The following KAZN variants were observed in gnomAD, a reference collection of about 807,000 sequenced individuals.
KAZN encodes the protein kazrin, periplakin interacting protein, also known as kazrin.
In KAZN, 40 loss-of-function variants were observed where a neutral mutation model predicts 87.4. That is an observed-to-expected ratio of 0.46 (90% CI 0.36 to 0.60). The LOEUF (loss-of-function observed/expected upper bound fraction) is 0.60. KAZN is among the 20% of genes least tolerant of loss of function. KAZN has a pLI of 0.00. For synonymous variants in KAZN, 466 were observed against 458.3 expected (o/e 1.02, Z -0.22); for missense variants, 898 against 1,073.9 (o/e 0.84, Z 2.29).
At chr1:14,418,742 A>G (rs1665055567) in intron 2 of KAZN, among the ~76,000 whole-genome samples, 2 of 152,202 alleles carry the variant, frequency 1.3e-5, no homozygotes, top group African/African-American at 4.8e-5. Flanking sequence ...GGGCAGGCCA[A>G]AGGACTCTCC....
At chr1:14,682,087 C>T (rs1307864538) in intron 1 of KAZN, among the ~76,000 whole-genome samples, 2 of 151,966 alleles carry the variant, frequency 1.3e-5, no homozygotes, top group African/African-American at 4.8e-5. Context: ...TTTTCATCTT[C>T]TCAAAGAGCA....
At chr1:14,954,922 A>C (rs1311018761) in intron 1 of KAZN, among the ~76,000 whole-genome samples, 1 of 152,216 alleles carries the variant, frequency 6.6e-6, no homozygotes, top group Non-Finnish European at 1.5e-5. Flanking sequence ...ACTGTACTCC[A>C]GCCTGGGCGA....
chr1:14,726,381 A>G (rs1267182839), intron 1 of KAZN, among the ~76,000 whole-genome samples: 1 of 152,216 alleles, frequency 6.6e-6, no homozygotes, highest in African/African-American at 2.4e-5. Flanking sequence ...GTTCCCCACC[A>G]GAAGGAAGCG....
At chr1:14,021,556 G>GTCTA (rs138038946) in intron 1 of KAZN, among the ~76,000 whole-genome samples, 2,714 of 152,246 alleles carry the variant, frequency 0.018, 78 homozygotes, top group African/African-American at 0.061. Flanking sequence ...GGAGGAGAGG[G>GTCTA]TCTAGGTCTC....
At chr1:14,775,811 G>C (rs142294302) in intron 1 of KAZN, among the ~76,000 whole-genome samples, 28 of 152,320 alleles carry the variant, frequency 1.8e-4, no homozygotes, top group African/African-American at 6.7e-4. Context: ...AAGCTCAAGT[G>C]TCCTGAGACC....
At chr1:14,936,413 T>C (rs146900178) in intron 1 of KAZN, among the ~76,000 whole-genome samples, 37 of 152,318 alleles carry the variant, frequency 2.4e-4, no homozygotes, top group African/African-American at 7.7e-4. Flanking sequence ...TGTCCTGTTT[T>C]TCTCAGGACT....
chr1:14,514,375 A>ATATATATTATATATATTTT lies in KAZN; in HGVS notation c.250-84608_250-84607insTATATATTATATATATTTT, dbSNP rs1491445643. On this transcript the variant is annotated intron_variant, in intron 2 of 16. Transcript: ENST00000636203. ...ATATTATATATATATTTATATATAT[A>ATATATATTATATATATTTT]ATATATATATATTATATATATTTAT... Among the ~76,000 whole-genome samples the ATATATATTATATATATTTT allele has an allele frequency of 2.6e-3, 38 of 14,438 alleles. 2 individuals carry two copies. The highest frequency in any genetic ancestry group is 5.0e-3 in the South Asian group (2 of 398). The allele number at this position is 14,438 out of a possible 152,430, so 9.5% of individuals were successfully genotyped here.
chr1:14,816,801 G>A (rs1040477045), intron 1 of KAZN, among the ~76,000 whole-genome samples: 2 of 152,120 alleles, frequency 1.3e-5, no homozygotes, highest in Non-Finnish European at 2.9e-5. Flanking sequence ...GATAGAGATG[G>A]CTGGATGGAT....
chr1:14,155,438 C>T (rs1645572004), intron 1 of KAZN, among the ~76,000 whole-genome samples: 1 of 151,866 alleles, frequency 6.6e-6, no homozygotes, highest in African/African-American at 2.4e-5. Flanking sequence ...CTTAGTCTTG[C>T]TAATGATTTG....
At chr1:14,677,571 G>A (rs1281263576) in intron 1 of KAZN, among the ~76,000 whole-genome samples, 1 of 152,084 alleles carries the variant, frequency 6.6e-6, no homozygotes, top group East Asian at 1.9e-4. Context: ...TCAGACCTTG[G>A]CGATGACAGG....
intron 1 of KAZN, among the ~76,000 whole-genome samples, chr1:14,663,463 T>C (rs965827557): frequency 9.9e-5 from 15 of 152,186 alleles, no homozygotes; most frequent in Non-Finnish European, 1.8e-4. Flanking sequence ...CCTTCTCTCT[T>C]TAACCCATCC....
chr1:14,098,143 T>C (rs1235109724), intron 1 of KAZN, among the ~76,000 whole-genome samples: 1 of 152,120 alleles, frequency 6.6e-6, no homozygotes, highest in African/African-American at 2.4e-5. Flanking sequence ...TCCCCTTGCC[T>C]TGTGCTGCCT....
intron 1 of KAZN, among the ~76,000 whole-genome samples, chr1:14,832,038 A>G (rs1024278528): frequency 6.6e-6 from 1 of 152,086 alleles, no homozygotes; most frequent in African/African-American, 2.4e-5. Context: ...CTATAAAAGT[A>G]CAAAAAAATT....
At chr1:14,012,767 A>G (rs1032283810) in intron 1 of KAZN, among the ~76,000 whole-genome samples, 1 of 152,226 alleles carries the variant, frequency 6.6e-6, no homozygotes, top group African/African-American at 2.4e-5. Flanking sequence ...ACTCCAACCA[A>G]TTAAATGGTG....
At chr1:14,129,381 T>C (rs1644943413) in intron 1 of KAZN, among the ~76,000 whole-genome samples, 1 of 152,180 alleles carries the variant, frequency 6.6e-6, no homozygotes, top group East Asian at 1.9e-4. Flanking sequence ...CCCAAATATG[T>C]CAGCTTTTTC....
chr1:14,283,848 C>A (rs1409380988), intron 2 of KAZN, among the ~76,000 whole-genome samples: 2 of 152,108 alleles, frequency 1.3e-5, no homozygotes, highest in Admixed American at 1.3e-4. Flanking sequence ...CGAGTGGAAA[C>A]AACCCAAAGT....
Position 14,968,323 on chromosome 1 carries a change from C to T in KAZN, c.418+7448C>T, listed in dbSNP as rs115564133. Among the ~76,000 whole-genome samples the T allele has an allele frequency of 5.7e-3, 862 of 152,168 alleles. 6 individuals carry two copies. Among genetic ancestry groups the T allele is most frequent in the African/African-American group, 0.019 (808 of 41,516 alleles). On this transcript the variant is annotated intron_variant, in intron 2 of 14. Transcript: ENST00000376030. Reference sequence around the variant, plus strand: ...GCTGATCAGACAGGAGGTGGAGCTCCGGCGGTAATGTGAGTGATGGGGAGC... The same window carrying T: ...GCTGATCAGACAGGAGGTGGAGCTCTGGCGGTAATGTGAGTGATGGGGAGC...
intron 1 of KAZN, among the ~76,000 whole-genome samples, chr1:13,903,165 C>G (rs891732751): frequency 1.3e-5 from 2 of 152,226 alleles, no homozygotes; most frequent in African/African-American, 2.4e-5. Context: ...TAATGATGTA[C>G]TGGCATTCCC....
intron 1 of KAZN, among the ~76,000 whole-genome samples, chr1:14,036,316 G>C: frequency 6.6e-6 from 1 of 152,154 alleles, no homozygotes; most frequent in East Asian, 1.9e-4. Flanking sequence ...CAGTTCTGGA[G>C]GCCAAATCAT....
Sources: gnomAD v4.1 joint callset for allele counts (sites outside exome capture counted in the v4.1 genomes callset) on GRCh38, gnomAD v4.1.1 for gene constraint, MANE v1.5 for transcripts, NCBI Gene and HGNC (gene_info 2026-07-23, HGNC 2026-07-21) for gene names.